The following SPATA16 variants were observed in gnomAD, a reference collection of about 807,000 sequenced individuals.
SPATA16 encodes spermatogenesis-associated protein 16.
In SPATA16, 36 loss-of-function variants were observed where a neutral mutation model predicts 63.3. That is an observed-to-expected ratio of 0.57 (90% CI 0.44 to 0.75). SPATA16 has a LOEUF of 0.75. Among genes scored for constraint, SPATA16 ranks in the 30% least tolerant of loss-of-function variants. SPATA16 has a pLI of 0.00. For synonymous variants in SPATA16, 203 were observed against 216.7 expected, an observed-to-expected ratio of 0.94 and a Z score of 0.56; for missense variants, 646 against 679.3, an observed-to-expected ratio of 0.95 and a Z score of 0.54.
intron 2 of SPATA16, among the ~76,000 whole-genome samples, chr3:173,060,005 C>T (rs1056190063): frequency 6.6e-6 from 1 of 151,906 alleles, no homozygotes; most frequent in Non-Finnish European, 1.5e-5. Context: ...GCCTGTAATC[C>T]CAGCACTTTG....
intron 6 of SPATA16, among the ~76,000 whole-genome samples, chr3:172,930,544 A>G (rs1442756633): frequency 7.0e-6 from 1 of 142,338 alleles, no homozygotes; most frequent in Non-Finnish European, 1.5e-5. Flanking sequence ...CCAATCTTCC[A>G]TTCAAACTCT....
chr3:172,977,749 C>T (rs990038214), intron 4 of SPATA16, among the ~76,000 whole-genome samples: 1 of 152,094 alleles, frequency 6.6e-6, no homozygotes, highest in African/African-American at 2.4e-5. Context: ...ATTTCTTTCT[C>T]CAGAGATTCC....
chr3:173,074,008 G>T (rs1426331242), intron 2 of SPATA16, among the ~76,000 whole-genome samples: 1 of 152,214 alleles, frequency 6.6e-6, no homozygotes, highest in African/African-American at 2.4e-5. Flanking sequence ...GGAGCTTTAA[G>T]ATTTGACTGC....
intron 2 of SPATA16, among the ~76,000 whole-genome samples, chr3:173,106,611 C>G (rs1737627933): frequency 6.6e-6 from 1 of 152,188 alleles, no homozygotes; most frequent in African/African-American, 2.4e-5. Context: ...GCCTTCAACA[C>G]CAATTCCAAT....
chr3:172,954,847 C>A (rs1733534180), intron 6 of SPATA16, among the ~76,000 whole-genome samples: 1 of 152,182 alleles, frequency 6.6e-6, no homozygotes, highest in South Asian at 2.1e-4. Flanking sequence ...TTCCACAGAG[C>A]AAAGAACTTT....
intron 6 of SPATA16, among the ~76,000 whole-genome samples, chr3:172,948,062 G>A (rs543614904): frequency 2.6e-4 from 39 of 152,124 alleles, no homozygotes; most frequent in African/African-American, 9.2e-4. Context: ...AGAGATTGGG[G>A]TAGAAGTCCT....
intron 8 of SPATA16, among the ~76,000 whole-genome samples, chr3:172,919,683 AT>A (rs377328006): frequency 2.2e-3 from 325 of 144,884 alleles, no homozygotes; most frequent in African/African-American, 3.8e-3. Context: ...TTAATTCTTT[AT>A]TTTTTTTTTT....
intron 5 of SPATA16, among the ~76,000 whole-genome samples, chr3:172,972,388 T>C (rs571674289): frequency 1.1e-3 from 165 of 152,332 alleles, no homozygotes; most frequent in African/African-American, 3.7e-3. Flanking sequence ...AGAGCTTGAA[T>C]TAGTGCCTTT....
At chr3:172,975,711 G>T (rs1734141065) in intron 5 of SPATA16, among the ~76,000 whole-genome samples, 1 of 151,936 alleles carries the variant, frequency 6.6e-6, no homozygotes, top group African/African-American at 2.4e-5. Context: ...ATCAACATTT[G>T]TTTTTTCATT....
chr3:172,958,468 G>A (rs892739205), intron 5 of SPATA16, among the ~76,000 whole-genome samples: 5 of 152,280 alleles, frequency 3.3e-5, no homozygotes, highest in African/African-American at 4.8e-5. Context: ...ACCATCAAGC[G>A]CGTGGTTGCA....
Position 172,967,647 on chromosome 3 carries a change from T to C in SPATA16, c.933+9321A>G, listed in dbSNP as rs6804730. Among the ~76,000 whole-genome samples, 551 of 152,268 alleles carry C rather than the reference T, an allele frequency of 3.6e-3. 3 individuals are homozygous for C. The highest frequency in any genetic ancestry group is 0.013 in the African/African-American group (538 of 41,538). On this transcript the variant is annotated intron_variant, in intron 5 of 10. Transcript: ENST00000351008. ...TAAGAAGCTTTATCTGTATTTACAG[T>C]TGCTCCCCATTGCTGGCATTACTGC...
chr3:172,960,628 C>T (rs1037799681), intron 5 of SPATA16, among the ~76,000 whole-genome samples: 1 of 152,046 alleles, frequency 6.6e-6, no homozygotes, highest in East Asian at 1.9e-4. Flanking sequence ...GATGACTGTA[C>T]AAAAGAGACC....
intron 2 of SPATA16, among the ~76,000 whole-genome samples, chr3:173,049,726 T>A (rs908098160): frequency 2.0e-5 from 3 of 152,162 alleles, no homozygotes; most frequent in Admixed American, 1.3e-4. Context: ...GAATATGAAT[T>A]CTTAATAAAA....
chr3:173,003,001 A>AT (rs971255883), intron 4 of SPATA16, among the ~76,000 whole-genome samples: 6 of 152,130 alleles, frequency 3.9e-5, no homozygotes, highest in Non-Finnish European at 8.8e-5. Flanking sequence ...ATTGAAGAAG[A>AT]TTTTTTTAAA....
chr3:173,061,248 G>C (rs905107689), intron 2 of SPATA16, among the ~76,000 whole-genome samples: 1 of 152,110 alleles, frequency 6.6e-6, no homozygotes, highest in Non-Finnish European at 1.5e-5. Flanking sequence ...ACTAACTAGG[G>C]GATAAAATAG....
intron 2 of SPATA16, among the ~76,000 whole-genome samples, chr3:173,074,682 C>T (rs776372044): frequency 6.6e-6 from 1 of 152,054 alleles, no homozygotes; most frequent in Admixed American, 6.5e-5. Context: ...CGGACTAATA[C>T]AGATGGCAAC....
intron 3 of SPATA16, among the ~76,000 whole-genome samples, chr3:173,032,789 T>G (rs1158671652): frequency 6.6e-6 from 1 of 152,164 alleles, no homozygotes; most frequent in Non-Finnish European, 1.5e-5. Flanking sequence ...TTCTCCATAA[T>G]GGGAAGTAAT....
chr3:173,057,521 T>G (rs1398455), intron 2 of SPATA16, among the ~76,000 whole-genome samples: 16,439 of 152,178 alleles, frequency 0.11, 976 homozygotes, highest in East Asian at 0.23. Context: ...GGAGAGTGCT[T>G]CAAGATTGTT....
Position 172,979,342 on chromosome 3 carries a change from C to T in SPATA16, c.849-2290G>A, listed in dbSNP as rs188162779. On this transcript the variant is annotated intron_variant, in intron 4 of 10. Transcript: ENST00000351008. ...ATTTTCTCTTCAAGGGACAACATAA[C>T]ATGCACTAATATTACTGAGCAGAGT... Among the ~76,000 whole-genome samples, 552 of 152,286 alleles carry T rather than the reference C, an allele frequency of 3.6e-3. 3 individuals carry two copies. Among genetic ancestry groups the T allele is most frequent in the African/African-American group, 0.013 (538 of 41,556 alleles).
Sources: allele counts gnomAD v4.1 joint callset (sites outside exome capture counted in the v4.1 genomes callset), GRCh38; gene constraint gnomAD v4.1.1; transcripts MANE v1.5; gene names NCBI Gene and HGNC (gene_info 2026-07-23, HGNC 2026-07-21).